MAGI1: variants seen among roughly 807,000 people sequenced by gnomAD.
MAGI1 encodes the protein membrane associated guanylate kinase, WW and PDZ domain containing 1, also known as membrane-associated guanylate kinase, WW and PDZ domain-containing protein 1.
In MAGI1, 58 loss-of-function variants were observed where a neutral mutation model predicts 139.9. The observed-to-expected ratio is 0.41, with a 90% CI of 0.34 to 0.52. The LOEUF is 0.52. Ranked by LOEUF, MAGI1 falls within the 20% of genes least tolerant of loss-of-function variation. The pLI, the probability that MAGI1 is intolerant of heterozygous loss-of-function variation, is 0.12. For missense variants in MAGI1, 1,874 were observed against 1,901.6 expected (o/e 0.99, Z 0.27); for synonymous variants, 812 against 737.9 (o/e 1.10, Z -1.63).
intron 1 of MAGI1, among the ~76,000 whole-genome samples, chr3:65,860,097 T>C (rs1279197539): frequency 6.6e-6 from 1 of 152,064 alleles, no homozygotes; most frequent in Non-Finnish European, 1.5e-5. Context: ...GGTTTCTTCA[T>C]GTTGGTCAGA....
intron 1 of MAGI1, among the ~76,000 whole-genome samples, chr3:65,968,807 A>G (rs1291234528): frequency 6.6e-6 from 1 of 152,142 alleles, no homozygotes; most frequent in Non-Finnish European, 1.5e-5. Flanking sequence ...TATTCTACAT[A>G]AGACCATTTA....
At chr3:65,509,887 CAGACTTAAG>C (rs2077491176) in intron 2 of MAGI1, among the ~76,000 whole-genome samples, 1 of 152,196 alleles carries the variant, frequency 6.6e-6, no homozygotes, top group Non-Finnish European at 1.5e-5. Context: ...GTAACCTCTG[CAGACTTAAG>C]TGTCCCTGTC....
At chr3:65,660,266 G>A (rs950633021) in intron 1 of MAGI1, among the ~76,000 whole-genome samples, 22 of 152,220 alleles carry the variant, frequency 1.4e-4, no homozygotes, top group Non-Finnish European at 2.6e-4. Context: ...AGGCACTAAC[G>A]CCATGAAGGT....
chr3:65,918,215 A>G (rs888679727), intron 1 of MAGI1, among the ~76,000 whole-genome samples: 1 of 152,298 alleles, frequency 6.6e-6, no homozygotes, highest in East Asian at 1.9e-4. Context: ...AATTCCTATC[A>G]TTAAGCATTT....
chr3:65,717,618 T>C (rs574244450), intron 1 of MAGI1: 27 of 152,334 alleles, frequency 1.8e-4, no homozygotes, highest in Admixed American at 5.9e-4. Context: ...GAAACTGATA[T>C]AACACTGAGG....
intron 9 of MAGI1, among the ~76,000 whole-genome samples, chr3:65,438,481 C>T (rs1357407377): frequency 1.3e-5 from 2 of 152,162 alleles, no homozygotes; most frequent in Non-Finnish European, 2.9e-5. Context: ...ACTTAATATA[C>T]CCATGTGTCA....
intron 1 of MAGI1, among the ~76,000 whole-genome samples, chr3:65,653,191 C>T (rs1045708194): frequency 5.3e-5 from 8 of 152,096 alleles, no homozygotes; most frequent in Non-Finnish European, 1.2e-4. Context: ...CTCCATCTTC[C>T]ATATCTTTCA....
At chr3:66,027,675 ATAAATAATAGTTACAAT>A (rs2068360916) in intron 1 of MAGI1, among the ~76,000 whole-genome samples, 1 of 152,196 alleles carries the variant, frequency 6.6e-6, no homozygotes, top group African/African-American at 2.4e-5. Flanking sequence ...CAGAGGAACA[ATAAATAATAGTTACAAT>A]TACTAGCATA....
In MAGI1 at chr3:65,355,544, G is replaced by C. The variant is rs1940160119; in HGVS notation, c.*834C>G. The C allele has an allele frequency of 6.6e-6, 1 of 152,522 alleles. No homozygotes were observed. Among genetic ancestry groups the C allele is most frequent in the Admixed American group, 6.5e-5 (1 of 15,282 alleles). 9.4% of individuals were successfully genotyped at this position (152,522 alleles called of 1,614,324 possible). On this transcript the variant is annotated 3_prime_UTR_variant, in exon 23 of 23. Transcript: ENST00000402939. ...AGCCTCCAATCAGACGAGACAACAC[G>C]AAAGATGCTTGTTGTCTCTTCCTCG...
At chr3:65,668,899 A>G (rs566215198) in intron 1 of MAGI1, among the ~76,000 whole-genome samples, 8 of 151,510 alleles carry the variant, frequency 5.3e-5, no homozygotes, top group Non-Finnish European at 1.2e-4. Context: ...GAATTTAACC[A>G]TGTCAATGTT....
At chr3:65,421,542 T>C (rs1946628775) in intron 12 of MAGI1, among the ~76,000 whole-genome samples, 2 of 152,180 alleles carry the variant, frequency 1.3e-5, no homozygotes, top group Non-Finnish European at 2.9e-5. Flanking sequence ...TTCTGACAAA[T>C]TGTAACTTGC....
chr3:65,411,212 T>C (rs1049308298), intron 12 of MAGI1, among the ~76,000 whole-genome samples: 3 of 152,306 alleles, frequency 2.0e-5, no homozygotes, highest in Non-Finnish European at 4.4e-5. Flanking sequence ...ATATTTGTAA[T>C]TGTGGCATTT....
rs557701320 is a variant in MAGI1 at position 65,395,472 on chromosome 3, T to C, written c.2200-4114A>G. Among the ~76,000 whole-genome samples the C allele has an allele frequency of 1.2e-4, 18 of 150,408 alleles. No homozygotes were observed. In the East Asian group the frequency reaches 2.0e-3, roughly 16 times the overall value. On this transcript the variant is annotated intron_variant, in intron 13 of 22. Transcript: ENST00000402939. ...GCCTGGCCAACATGGTGAAACTCCATCTCTACTAAAAATACAAAAATTACC... is the reference window on the plus strand; with the variant it reads ...GCCTGGCCAACATGGTGAAACTCCACCTCTACTAAAAATACAAAAATTACC...
chr3:65,558,700 A>C (rs2080202286), intron 2 of MAGI1, among the ~76,000 whole-genome samples: 1 of 152,052 alleles, frequency 6.6e-6, no homozygotes, highest in African/African-American at 2.4e-5. Flanking sequence ...CACACAAAAA[A>C]AACCCTGCAG....
At chr3:65,971,313 A>G (rs1280587769) in intron 1 of MAGI1, among the ~76,000 whole-genome samples, 1 of 152,234 alleles carries the variant, frequency 6.6e-6, no homozygotes, top group African/African-American at 2.4e-5. Flanking sequence ...ACTGTGCTTC[A>G]TTCCTTAAGA....
At chr3:65,399,923 T>G (rs368302256) in intron 13 of MAGI1, among the ~76,000 whole-genome samples, 63 of 152,296 alleles carry the variant, frequency 4.1e-4, no homozygotes, top group African/African-American at 1.4e-3. Flanking sequence ...AAAACTACTA[T>G]GTCTCCCTCA....
chr3:65,743,746 G>A (rs2035467426), intron 1 of MAGI1, among the ~76,000 whole-genome samples: 1 of 151,406 alleles, frequency 6.6e-6, no homozygotes, highest in Non-Finnish European at 1.5e-5. Flanking sequence ...GTCTATTCGT[G>A]TCACTAAGGG....
At chr3:65,531,862 T>C (rs1301940636) in intron 2 of MAGI1, among the ~76,000 whole-genome samples, 2 of 152,202 alleles carry the variant, frequency 1.3e-5, no homozygotes, top group African/African-American at 2.4e-5. Context: ...AGTGAGTTAA[T>C]ACACTAAAGT....
At position 65,544,883 on chromosome 3, in the gene MAGI1, T is replaced by C. The variant is rs568484929; in HGVS notation, c.431-51252A>G. On this transcript the variant is annotated intron_variant, in intron 2 of 22. Coordinates refer to ENST00000402939, the MANE Select transcript of MAGI1 (RefSeq NM_001033057.2). ...AAACCTGATGGGGTTATTTTGTAGA[T>C]TAAGTAATACATGTGAGTGTGATTT... Among the ~76,000 whole-genome samples, 6 of 152,198 alleles carry C rather than the reference T, an allele frequency of 3.9e-5. 1 individual carries two copies. The South Asian group carries it at 1.2e-3, about 32-fold the overall frequency.
Sources: gnomAD v4.1 joint callset for allele counts (sites outside exome capture counted in the v4.1 genomes callset) on GRCh38, gnomAD v4.1.1 for gene constraint, MANE v1.5 for transcripts, NCBI Gene and HGNC (gene_info 2026-07-23, HGNC 2026-07-21) for gene names.